FLNB: variants seen among roughly 807,000 people sequenced by gnomAD.
FLNB encodes filamin B.
FLNB carries 111 observed loss-of-function variants against 250.6 expected under a neutral mutation model. The observed-to-expected ratio is 0.44, with a 90% confidence interval of 0.38 to 0.52. The LOEUF (loss-of-function observed/expected upper bound fraction) is 0.52, where lower values mean the gene tolerates loss of function less well. Ranked by LOEUF, FLNB falls within the 20% of genes least tolerant of loss-of-function variation. The pLI, the probability that FLNB is intolerant of heterozygous loss-of-function variation, is 0.00. For missense variants in FLNB, 2,869 were observed against 3,447.8 expected, an observed-to-expected ratio of 0.83 and a Z score of 4.20; for synonymous variants, 1,302 against 1,372.1, an observed-to-expected ratio of 0.95 and a Z score of 1.13.
chr3:58,008,928 G>A, intron 1 of FLNB, 72 bp downstream of exon 1: 4 of 1,576,110 alleles, frequency 2.5e-6, no homozygotes, highest in Non-Finnish European at 3.5e-6. Context: ...CCCTGCGGAG[G>A]GCGAGGATTT....
intron 38 of FLNB, chr3:58,152,815 G>C (rs1186676342): frequency 8.3e-7 from 1 of 1,203,212 alleles, no homozygotes. Flanking sequence ...GCGGCCGCCT[G>C]GCCTCACCAC....
At chr3:58,030,612 G>T (rs898528376) in intron 1 of FLNB, among the ~76,000 whole-genome samples, 6 of 152,154 alleles carry the variant, frequency 3.9e-5, no homozygotes, top group Non-Finnish European at 7.4e-5. Flanking sequence ...GGTGGCTCAT[G>T]CCTGTAATCC....
chr3:58,169,823 GT>G lies in FLNB; in HGVS notation c.7621+31del. On this transcript the variant is annotated intron_variant, in intron 45 of 45. Coordinates refer to ENST00000295956, the MANE Select transcript of FLNB (RefSeq NM_001457.4). The surrounding 1 kb of genome is among the most constrained non-coding windows in gnomAD (Gnocchi z 4.8). Reference sequence around the variant, plus strand: ...GTGTCTGGGCCTTTTCAAGGGTGGGGTGGGGCAGGGGCAGGCTGGGCACCCT... The same window carrying G: ...GTGTCTGGGCCTTTTCAAGGGTGGGGGGGGCAGGGGCAGGCTGGGCACCCT... 7.0e-7 allele frequency: 1 copy of G among 1,436,456 alleles called. No individual in the cohort carries two copies. Among genetic ancestry groups the G allele is most frequent in the Non-Finnish European group, 9.7e-7 (1 of 1,025,698 alleles). The allele number at this position is 1,436,456 out of a possible 1,614,324, so 89.0% of individuals were successfully genotyped here.
In FLNB at chr3:58,134,661, G is replaced by T; in HGVS notation, c.4560G>T (p.Val1520=). 1 of 1,614,142 alleles carries T rather than the reference G, an allele frequency of 6.2e-7. No homozygotes were observed. The highest frequency in any genetic ancestry group is 8.5e-7 in the Non-Finnish European group (1 of 1,180,026). The change falls in exon 27 of 46, where the codon GTG becomes GTT. Residue 1520 remains valine, a synonymous_variant. Coordinates refer to ENST00000295956, the MANE Select transcript of FLNB (RefSeq NM_001457.4). The part of the protein sequence containing the change: ...KVLPTYDASK[V]TASGPGLSSY... ...TTCCCACATATGATGCCAGCAAAGT[G>T]ACTGCCAGTGGCCCCGGCCTTAGTT...
chr3:58,127,159 C>T (rs771121556), intron 24 of FLNB, among the ~76,000 whole-genome samples: 1 of 152,042 alleles, frequency 6.6e-6, no homozygotes, highest in South Asian at 2.1e-4. Context: ...CCCATCTTTA[C>T]AAGAAATACA....
intron 18 of FLNB, 93 bp downstream of exon 18, chr3:58,112,411 A>G: frequency 7.5e-7 from 1 of 1,333,240 alleles, no homozygotes; most frequent in South Asian, 1.2e-5. Flanking sequence ...AAGGGGTGTG[A>G]GAGGTGCTCT....
chr3:58,145,829 G>C (rs568434104), intron 32 of FLNB, 92 bp from the exon 33 acceptor site: 1 of 1,538,228 alleles, frequency 6.5e-7, no homozygotes, highest in African/African-American at 1.4e-5. Context: ...CGCCAGACCT[G>C]TAGAGAGGTG....
intron 5 of FLNB, among the ~76,000 whole-genome samples, chr3:58,095,884 A>G (rs993442136): frequency 6.6e-6 from 1 of 152,146 alleles, no homozygotes; most frequent in Non-Finnish European, 1.5e-5. Context: ...CTTGCTTCAT[A>G]TTCTCTCTTA....
At chr3:58,095,003 T>G in intron 5 of FLNB, 49 bp downstream of exon 5, 2 of 1,426,226 alleles carry the variant, frequency 1.4e-6, no homozygotes, top group Non-Finnish European at 9.9e-7. Context: ...ATGGAGCTTT[T>G]GGGGCTTGTA....
intron 1 of FLNB, among the ~76,000 whole-genome samples, chr3:58,066,859 C>T (rs1211777124): frequency 6.6e-6 from 1 of 152,166 alleles, no homozygotes. Flanking sequence ...TGAAAGTTCA[C>T]CAAACTCTCT....
At chr3:58,119,653 G>A (rs2097285043) in intron 19 of FLNB, among the ~76,000 whole-genome samples, 1 of 152,148 alleles carries the variant, frequency 6.6e-6, no homozygotes. Flanking sequence ...TGCAACACAT[G>A]CTCATAAAAT....
chr3:58,024,523 C>G (rs914647692), intron 1 of FLNB, among the ~76,000 whole-genome samples: 1 of 151,920 alleles, frequency 6.6e-6, no homozygotes, highest in African/African-American at 2.4e-5. Flanking sequence ...AAGAAGCAAT[C>G]TAATTATCTA....
At position 58,159,582 on chromosome 3, in the gene FLNB, C is replaced by T. The variant is rs900106943; in HGVS notation, c.6917C>T (p.Ala2306Val). 3 of 1,614,114 alleles carry T rather than the reference C, an allele frequency of 1.9e-6. No individual in the cohort carries two copies. The highest frequency in any genetic ancestry group is 2.7e-5 in the African/African-American group (2 of 75,052). ...TCGGGATTAAAAGTTAACCAGCCAG[C>T]ATCCTTTGCTATAAGGTTGAATGGC... Reference protein sequence around the residue: ...QESGLKVNQPASFAIRLNGAK... With the variant: ...QESGLKVNQPVSFAIRLNGAK... The change falls in exon 42 of 46, where the codon GCA becomes GTA. Residue 2306 changes from alanine to valine, a missense_variant. This residue lies in a region of FLNB where 1,084 missense variants were observed against 1,315.5 expected (regional missense o/e 0.82). Coordinates refer to ENST00000295956, the MANE Select transcript of FLNB (RefSeq NM_001457.4).
intron 1 of FLNB, among the ~76,000 whole-genome samples, chr3:58,061,392 A>G (rs992868764): frequency 2.0e-5 from 3 of 152,130 alleles, no homozygotes; most frequent in African/African-American, 7.2e-5. Context: ...GTATTGTACT[A>G]TGTTTCTTTT....
chr3:58,097,734 C>T, intron 6 of FLNB, 81 bp from the exon 7 acceptor site: 2 of 1,355,478 alleles, frequency 1.5e-6, no homozygotes, highest in Non-Finnish European at 2.1e-6. Flanking sequence ...GAGAGGTGAT[C>T]ATCAATGTAT....
In FLNB at chr3:58,123,692, TG is replaced by T. The variant is rs2097292770; in HGVS notation, c.3724+5del. 4.4e-6 allele frequency: 6 copies of T among 1,370,104 alleles called. No homozygotes were observed. Among genetic ancestry groups the T allele is most frequent in the Non-Finnish European group, 5.9e-6 (6 of 1,011,964 alleles). The allele number at this position is 1,370,104 out of a possible 1,614,324, so 84.9% of individuals were successfully genotyped here. On this transcript the variant is annotated splice_donor_region_variant and intron_variant, in intron 21 of 45. Transcript: ENST00000295956. Reference sequence around the variant, plus strand: ...TTGGACCAGGAATAGAAGGGAAAGGTGGGTTTCATTTAAAAAAAAAAAAAAA... The same window carrying T: ...TTGGACCAGGAATAGAAGGGAAAGGTGGTTTCATTTAAAAAAAAAAAAAAA...
At chr3:58,155,809 A>G in intron 40 of FLNB, 151 bp from the exon 41 acceptor site, 1 of 662,960 alleles carries the variant, frequency 1.5e-6, no homozygotes, top group Non-Finnish European at 2.8e-6. Flanking sequence ...ATATCGGCCC[A>G]GCCTCAGCCA....
chr3:58,102,361 C>CT, intron 9 of FLNB, 21 bp downstream of exon 9: 1 of 1,613,930 alleles, frequency 6.2e-7, no homozygotes, highest in Non-Finnish European at 8.5e-7. Flanking sequence ...CTTTGTTTCT[C>CT]TATCTCAGGT....
Position 58,148,362 on chromosome 3 carries a change from T to C in FLNB, c.5885T>C (p.Ile1962Thr), listed in dbSNP as rs201245776. 3.7e-6 allele frequency: 6 copies of C among 1,613,394 alleles called. No homozygotes were observed. The South Asian group carries it at 4.4e-5, about 12-fold the overall frequency. Residue 1962 changes from isoleucine (I) to threonine (T), a missense_variant and splice_region_variant, in exon 35 of 46, where the codon ATT (isoleucine) becomes ACT (threonine). Ile to Thr is a moderately conservative substitution (Grantham distance 89, BLOSUM62 -1). Coordinates refer to ENST00000295956, the MANE Select transcript of FLNB (RefSeq NM_001457.4). ...CTGAAGAGGCTGCCCAACAACCACA[T>C]TGGTGAGCTAGGCTACCCTTCCTGG... is the stretch of plus-strand genomic sequence containing the variant. ...CLLKRLPNNH[I>T]GISFIPREVG... is the part of the protein sequence containing the mutation.
Sources: allele counts gnomAD v4.1 joint callset (sites outside exome capture counted in the v4.1 genomes callset), GRCh38; gene constraint gnomAD v4.1.1; regional missense constraint gnomAD v4.1.1; non-coding constraint Gnocchi (gnomAD v3.1); transcripts MANE v1.5; gene names NCBI Gene and HGNC (gene_info 2026-07-23, HGNC 2026-07-21).